SGF29: variants seen among roughly 807,000 people sequenced by gnomAD.
The protein encoded by SGF29 is SAGA-associated factor 29.
Under a neutral mutation model 38.1 loss-of-function variants are expected in SGF29, and 15 were observed. The observed-to-expected ratio is 0.39, with a 90% CI of 0.26 to 0.61. The LOEUF is 0.61. Among genes scored for constraint, SGF29 ranks in the 20% least tolerant of loss-of-function variants. The probability of loss-of-function intolerance (pLI) is 0.49; values close to 1 mark genes in which losing one functional copy is unlikely to be tolerated. For missense variants in SGF29, 184 were observed against 394.6 expected (o/e 0.47, Z 4.52); for synonymous variants, 151 against 160.8 (o/e 0.94, Z 0.46).
chr16:28,579,800 A>C (rs1283055173), intron 1 of SGF29, among the ~76,000 whole-genome samples: 1 of 151,828 alleles, frequency 6.6e-6, no homozygotes, highest in Non-Finnish European at 1.5e-5. Flanking sequence ...ACATGGTGGC[A>C]CACACCTGTA....
At chr16:28,569,155 C>T (rs887324270) in intron 1 of SGF29, among the ~76,000 whole-genome samples, 2 of 151,956 alleles carry the variant, frequency 1.3e-5, no homozygotes, top group African/African-American at 2.4e-5. Flanking sequence ...TTCTTATGTC[C>T]TAGTGTTTTG....
chr16:28,555,843 T>C (rs28454444), intron 1 of SGF29, among the ~76,000 whole-genome samples: 1 of 152,186 alleles, frequency 6.6e-6, no homozygotes, highest in African/African-American at 2.4e-5. Context: ...AGCCTAATGG[T>C]GGGTTGGCAG....
At chr16:28,568,191 T>C (rs1321907578) in intron 1 of SGF29, among the ~76,000 whole-genome samples, 1 of 150,794 alleles carries the variant, frequency 6.6e-6, no homozygotes, top group Non-Finnish European at 1.5e-5. Flanking sequence ...TCGGCGCCTA[T>C]AATCCCAGCT....
At chr16:28,564,697 G>GTATA (rs1186054140) in intron 1 of SGF29, among the ~76,000 whole-genome samples, 2 of 75,092 alleles carry the variant, frequency 2.7e-5, no homozygotes, top group African/African-American at 6.0e-5. Flanking sequence ...GTATATATAT[G>GTATA]TATATATATA....
intron 5 of SGF29, among the ~76,000 whole-genome samples, chr16:28,589,851 CT>C (rs1428212721): frequency 6.6e-6 from 1 of 152,186 alleles, no homozygotes; most frequent in East Asian, 1.9e-4. Flanking sequence ...TTGGAACCCG[CT>C]TTCTTTCTTC....
At chr16:28,585,034 G>A in intron 3 of SGF29, 46 bp downstream of exon 3, 1 of 1,464,626 alleles carries the variant, frequency 6.8e-7, no homozygotes, top group Non-Finnish European at 9.6e-7. Flanking sequence ...ATGGGGCTAG[G>A]GTGAGTATGG....
rs149009576 is a variant in SGF29, at chr16:28,584,515, C to T, written c.76-398C>T. On this transcript the variant is annotated intron_variant, in intron 2 of 9. Transcript: ENST00000317058. ...TAAAAATACAAAAAATTAGGCCGGG[C>T]GCATTGGCTTACGCCTGTAATCCCA... 1.5e-3 allele frequency among the ~76,000 whole-genome samples: 225 copies of T among 150,152 alleles called. 1 individual carries two copies. The highest frequency in any genetic ancestry group is 5.1e-3 in the African/African-American group (209 of 40,774).
chr16:28,568,016 A>G (rs2046844043), intron 1 of SGF29, among the ~76,000 whole-genome samples: 1 of 151,918 alleles, frequency 6.6e-6, no homozygotes, highest in Non-Finnish European at 1.5e-5. Context: ...GGCTCACACA[A>G]AGTTTTTTGA....
chr16:28,570,124 C>A (rs1042628357), intron 1 of SGF29, among the ~76,000 whole-genome samples: 1 of 152,082 alleles, frequency 6.6e-6, no homozygotes, highest in Non-Finnish European at 1.5e-5. Flanking sequence ...CTGGTAGAGC[C>A]ACCAGTGTGC....
chr16:28,568,313 C>CAAAAAAAAA lies in SGF29; in HGVS notation c.-15-12726_-15-12718dup, dbSNP rs148414167. On this transcript the variant is annotated intron_variant, in intron 1 of 9. Coordinates refer to ENST00000317058, the MANE Select transcript of SGF29 (RefSeq NM_138414.3). ...GGGCAGCAAGAGCAAAACTCCATCT[C>CAAAAAAAAA]AAAAAAAAAAAAAAAAAAAAAAAAG... 3.7e-5 allele frequency among the ~76,000 whole-genome samples: 2 copies of CAAAAAAAAA among 54,282 alleles called. 1 individual carries two copies. The highest frequency in any genetic ancestry group is 1.6e-4 in the African/African-American group (2 of 12,536). 35.6% of individuals were successfully genotyped at this position (54,282 alleles called of 152,430 possible). A position where few individuals can be genotyped will look rare whatever the true frequency, so the allele number is the denominator to read the frequency against.
chr16:28,572,569 G>A (rs2046871359), intron 1 of SGF29, among the ~76,000 whole-genome samples: 1 of 152,178 alleles, frequency 6.6e-6, no homozygotes, highest in Non-Finnish European at 1.5e-5. Flanking sequence ...GCGCCCGGTA[G>A]AAGGCCAGTT....
At chr16:28,563,755 C>CT (rs1391303062) in intron 1 of SGF29, among the ~76,000 whole-genome samples, 1 of 116,582 alleles carries the variant, frequency 8.6e-6, no homozygotes, top group Non-Finnish European at 1.6e-5. Context: ...GAGTCTTGCT[C>CT]TGTCACCCAG....
chr16:28,555,590 G>A (rs1261360037), intron 1 of SGF29, among the ~76,000 whole-genome samples: 2 of 152,172 alleles, frequency 1.3e-5, no homozygotes. Flanking sequence ...TTATTGTGAT[G>A]GATTGGGTGA....
intron 1 of SGF29, among the ~76,000 whole-genome samples, chr16:28,561,498 A>G (rs2046789723): frequency 1.3e-5 from 2 of 152,164 alleles, no homozygotes; most frequent in Admixed American, 6.5e-5. Context: ...GCACCACTGC[A>G]CTCCAGCCTG....
chr16:28,590,255 G>C lies in SGF29; in HGVS notation c.419+30G>C. The C allele has an allele frequency of 6.2e-7, 1 of 1,608,818 alleles. No individual in the cohort carries two copies. Among genetic ancestry groups the C allele is most frequent in the Non-Finnish European group, 8.5e-7 (1 of 1,177,894 alleles). ...GGGCAGCAGCTGCGAGGGAGGGGCT[G>C]GTGCCCAGGGGCTGGGACTGACCCT... On this transcript the variant is annotated intron_variant, in intron 6 of 9. Coordinates refer to ENST00000317058, the MANE Select transcript of SGF29 (RefSeq NM_138414.3). This position sits in a 1 kb window ranked among gnomAD's most constrained non-coding sequence, Gnocchi z 8.2.
chr16:28,575,785 C>T (rs887889989), intron 1 of SGF29, among the ~76,000 whole-genome samples: 11 of 152,164 alleles, frequency 7.2e-5, no homozygotes, highest in Non-Finnish European at 1.2e-4. Context: ...TGCCATTAAC[C>T]GTTAGGGACA....
Position 28,566,273 on chromosome 16 carries a change from CA to C in SGF29, c.-16+12187del, listed in dbSNP as rs898260859. Among the ~76,000 whole-genome samples, 385 of 132,928 alleles carry C rather than the reference CA, an allele frequency of 2.9e-3. 11 individuals carry two copies. In the South Asian group the frequency reaches 0.066, roughly 23 times the overall value. The allele number at this position is 132,928 out of a possible 152,430, so 87.2% of individuals were successfully genotyped here. A position where few individuals can be genotyped will look rare whatever the true frequency, so the allele number is the denominator to read the frequency against. On this transcript the variant is annotated intron_variant, in intron 1 of 9. Coordinates refer to ENST00000317058, the MANE Select transcript of SGF29 (RefSeq NM_138414.3). Reference sequence around the variant, plus strand: ...TGGGCAACAGATCAAGACTCTGTCTCAAAAAAAAAAAGAAAAAGAAAAAGAA... The same window carrying C: ...TGGGCAACAGATCAAGACTCTGTCTCAAAAAAAAAAGAAAAAGAAAAAGAA...
intron 1 of SGF29, among the ~76,000 whole-genome samples, chr16:28,556,727 C>T (rs1291150485): frequency 6.6e-6 from 1 of 151,550 alleles, no homozygotes; most frequent in Non-Finnish European, 1.5e-5. Context: ...CTCATTATTC[C>T]CAAATTCCTG....
At chr16:28,585,230 C>G (rs1393377039) in intron 3 of SGF29, 1 of 533,292 alleles carries the variant, frequency 1.9e-6, no homozygotes, top group Non-Finnish European at 3.3e-6. Flanking sequence ...GCCCTTAGAG[C>G]ACACAAGCGC....
Sources: gnomAD v4.1 joint callset for allele counts (sites outside exome capture counted in the v4.1 genomes callset) on GRCh38, gnomAD v4.1.1 for gene constraint, Gnocchi (gnomAD v3.1) non-coding constraint, MANE v1.5 for transcripts, NCBI Gene and HGNC (gene_info 2026-07-23, HGNC 2026-07-21) for gene names.